SRGAP3: variants seen among roughly 807,000 people sequenced by gnomAD.
The protein encoded by SRGAP3 is SLIT-ROBO Rho GTPase-activating protein 3.
A neutral mutation model predicts 121.1 loss-of-function variants in SRGAP3; 39 were observed. That is an observed-to-expected ratio of 0.32 (90% confidence interval 0.25 to 0.42). The LOEUF is 0.42. Ranked by LOEUF, SRGAP3 falls within the 10% of genes least tolerant of loss-of-function variation. SRGAP3 has a pLI of 1.00. For missense variants in SRGAP3, 1,213 were observed against 1,470.6 expected (o/e 0.82, Z 2.86); for synonymous variants, 601 against 570.0 (o/e 1.05, Z -0.77).
chr3:9,304,035 G>A (rs1456659071), intron 3 of SRGAP3, among the ~76,000 whole-genome samples: 1 of 152,146 alleles, frequency 6.6e-6, no homozygotes, highest in African/African-American at 2.4e-5. Context: ...GTCTGGAAGG[G>A]GAGACGTTTC....
chr3:9,301,073 TC>T (rs1319309463), intron 3 of SRGAP3, among the ~76,000 whole-genome samples: 1 of 152,162 alleles, frequency 6.6e-6, no homozygotes, highest in Non-Finnish European at 1.5e-5. Flanking sequence ...TCACCTTCCT[TC>T]CTCTCAATGT....
chr3:9,096,077 A>G (rs1474933868), intron 3 of SRGAP3, among the ~76,000 whole-genome samples: 1 of 152,242 alleles, frequency 6.6e-6, no homozygotes, highest in Non-Finnish European at 1.5e-5. Flanking sequence ...TCTCAAAAAA[A>G]CAAACAAACA....
chr3:9,337,196 C>A (rs1339228845), intron 1 of SRGAP3, among the ~76,000 whole-genome samples: 2 of 152,130 alleles, frequency 1.3e-5, no homozygotes, highest in Non-Finnish European at 2.9e-5. Flanking sequence ...TGAGGCCCAC[C>A]CACATGAAAA....
chr3:9,131,897 CCCATAACACT>C (rs1949464723), intron 1 of SRGAP3, among the ~76,000 whole-genome samples: 1 of 152,092 alleles, frequency 6.6e-6, no homozygotes, highest in Admixed American at 6.5e-5. Flanking sequence ...CCTACCCATC[CCCATAACACT>C]CCTGCTCACT....
At chr3:9,305,962 C>T (rs1490035209) in intron 3 of SRGAP3, among the ~76,000 whole-genome samples, 1 of 152,204 alleles carries the variant, frequency 6.6e-6, no homozygotes, top group Non-Finnish European at 1.5e-5. Context: ...ATTTCCAGTT[C>T]TAGATCCTTG....
intron 3 of SRGAP3, among the ~76,000 whole-genome samples, chr3:9,294,741 T>TGTGTGTGTGTGTG (rs1491131145): frequency 1.1e-3 from 157 of 146,020 alleles, no homozygotes; most frequent in South Asian, 3.3e-3. Flanking sequence ...TGTGTGTGTG[T>TGTGTGTGTGTGTG]TTGGGAGGGC....
At chr3:9,143,973 C>G (rs749940487) in intron 1 of SRGAP3, among the ~76,000 whole-genome samples, 15 of 152,176 alleles carry the variant, frequency 9.9e-5, no homozygotes, top group Non-Finnish European at 1.8e-4. Flanking sequence ...TGCCATCATC[C>G]TAGTTAAAAA....
At chr3:9,099,430 G>A (rs1365355271) in intron 3 of SRGAP3, among the ~76,000 whole-genome samples, 2 of 152,214 alleles carry the variant, frequency 1.3e-5, no homozygotes, top group Non-Finnish European at 2.9e-5. Flanking sequence ...AAAACAGAAT[G>A]AGGCTGGAAA....
chr3:9,015,968 C>T, intron 14 of SRGAP3: 1 of 552,274 alleles, frequency 1.8e-6, no homozygotes, highest in Non-Finnish European at 3.2e-6. Flanking sequence ...GCCCATCACC[C>T]TTCGCTTACA....
At chr3:9,187,832 C>T (rs925019434) in intron 1 of SRGAP3, among the ~76,000 whole-genome samples, 2 of 152,334 alleles carry the variant, frequency 1.3e-5, no homozygotes, top group South Asian at 2.1e-4. Flanking sequence ...GACTTATACC[C>T]GTCAGAGACG....
chr3:9,069,257 G>A (rs546102810), intron 4 of SRGAP3, among the ~76,000 whole-genome samples: 1 of 152,328 alleles, frequency 6.6e-6, no homozygotes, highest in East Asian at 1.9e-4. Flanking sequence ...GCTGTGGAGA[G>A]GTGTGTCCTC....
intron 7 of SRGAP3, 100 bp from the exon 8 acceptor site, chr3:9,056,434 G>T: frequency 1.6e-6 from 2 of 1,280,260 alleles, no homozygotes; most frequent in Non-Finnish European, 2.2e-6. Context: ...CACAGTCCAG[G>T]AAACAGGGGC....
At chr3:9,052,900 G>C in intron 9 of SRGAP3, 127 bp downstream of exon 9, 3 of 1,133,094 alleles carry the variant, frequency 2.6e-6, no homozygotes, top group Non-Finnish European at 3.9e-6. Context: ...TAAAAGCATG[G>C]TGATGGAGTC....
chr3:9,131,333 G>C (rs1949436796), intron 1 of SRGAP3, among the ~76,000 whole-genome samples: 2 of 151,736 alleles, frequency 1.3e-5, no homozygotes, highest in African/African-American at 4.8e-5. Flanking sequence ...GACAGGCTTT[G>C]AACTCAACAC....
chr3:9,149,401 A>C (rs551457083), intron 1 of SRGAP3, among the ~76,000 whole-genome samples: 4 of 152,246 alleles, frequency 2.6e-5, no homozygotes, highest in Admixed American at 2.6e-4. Flanking sequence ...AATTGCATTA[A>C]TAGCCCCACT....
At chr3:9,238,180 G>A (rs946589949) in intron 1 of SRGAP3, among the ~76,000 whole-genome samples, 2 of 152,204 alleles carry the variant, frequency 1.3e-5, no homozygotes, top group African/African-American at 4.8e-5. Context: ...AGAAACTTTG[G>A]GTTGCACTGG....
intron 3 of SRGAP3, among the ~76,000 whole-genome samples, chr3:9,303,575 A>G (rs535469882): frequency 2.0e-5 from 3 of 152,220 alleles, no homozygotes; most frequent in African/African-American, 7.2e-5. Flanking sequence ...ATCCTTGTTG[A>G]TTTAGCTAAC....
chr3:9,303,424 C>CAA (rs549883408), intron 3 of SRGAP3, among the ~76,000 whole-genome samples: 2 of 87,540 alleles, frequency 2.3e-5, no homozygotes, highest in East Asian at 3.3e-4. Flanking sequence ...GACTCCATCT[C>CAA]AAAAAAAAAA....
intron 1 of SRGAP3, among the ~76,000 whole-genome samples, chr3:9,164,974 C>G (rs910036347): frequency 2.0e-5 from 3 of 152,254 alleles, no homozygotes; most frequent in African/African-American, 7.2e-5. Flanking sequence ...GTCTCTGGGT[C>G]TCCAGGTGAG....
Sources: gnomAD v4.1 joint callset for allele counts (sites outside exome capture counted in the v4.1 genomes callset) on GRCh38, gnomAD v4.1.1 for gene constraint, MANE v1.5 for transcripts, NCBI Gene and HGNC (gene_info 2026-07-23, HGNC 2026-07-21) for gene names.